Variants in MAF observed in about 807,000 individuals in gnomAD.
MAF encodes transcription factor Maf.
In MAF, 10 loss-of-function variants were observed where a neutral mutation model predicts 22.0. The ratio of observed to expected loss-of-function variants is 0.45; its 90% CI spans 0.28 to 0.77. The LOEUF (loss-of-function observed/expected upper bound fraction) is 0.77. Ranked by LOEUF, MAF falls within the 30% of genes least tolerant of loss-of-function variation. MAF has a pLI of 0.12. For synonymous variants in MAF, 337 were observed against 255.8 expected (o/e 1.32, Z -3.03); for missense variants, 544 against 548.4 (o/e 0.99, Z 0.08).
At chr16:79,452,400 G>A in the MAF span, among the ~76,000 whole-genome samples, 1 of 152,114 alleles carries the variant, frequency 6.6e-6, no homozygotes, top group Non-Finnish European at 1.5e-5. Context: ...TCTATCTTAT[G>A]ATGAAAAAAC....
At chr16:79,401,377 A>G in the MAF span, among the ~76,000 whole-genome samples, 5 of 152,280 alleles carry the variant, frequency 3.3e-5, no homozygotes, top group South Asian at 8.3e-4. Context: ...ACGGTCATCC[A>G]CTGCCAACTC....
the MAF span, among the ~76,000 whole-genome samples, chr16:79,289,935 C>T: frequency 6.7e-6 from 1 of 148,236 alleles, no homozygotes; most frequent in African/African-American, 2.5e-5. Context: ...CAGCTCACTG[C>T]AACCTCCACC....
At chr16:79,570,394 C>T in the MAF span, among the ~76,000 whole-genome samples, 1 of 152,110 alleles carries the variant, frequency 6.6e-6, no homozygotes, top group Non-Finnish European at 1.5e-5. Flanking sequence ...ATGTTCCCTC[C>T]TATCCTATTC....
the MAF span, among the ~76,000 whole-genome samples, chr16:79,437,974 G>C: frequency 6.6e-6 from 1 of 152,222 alleles, no homozygotes; most frequent in South Asian, 2.1e-4. Context: ...GTGGAGACAG[G>C]AGTCGGCCCC....
the MAF span, among the ~76,000 whole-genome samples, chr16:79,402,581 C>A: frequency 6.6e-6 from 1 of 152,154 alleles, no homozygotes; most frequent in Non-Finnish European, 1.5e-5. Context: ...GCAGGGCTGG[C>A]GTGCAGGCTG....
At chr16:79,549,702 G>C in the MAF span, among the ~76,000 whole-genome samples, 233 of 152,088 alleles carry the variant, frequency 1.5e-3, no homozygotes, top group Non-Finnish European at 3.1e-3. Flanking sequence ...GGGTCATCTT[G>C]CAGCATCTAA....
At chr16:79,356,098 C>T in the MAF span, among the ~76,000 whole-genome samples, 462 of 152,108 alleles carry the variant, frequency 3.0e-3, 1 homozygote, top group Non-Finnish European at 5.0e-3. Flanking sequence ...CACACCCACA[C>T]GTGCATTCAA....
chr16:79,479,512 T>A, the MAF span, among the ~76,000 whole-genome samples: 4 of 152,198 alleles, frequency 2.6e-5, no homozygotes, highest in Admixed American at 6.5e-5. Context: ...GGCGGGGCCA[T>A]CACTGCAAGC....
At chr16:79,238,874 T>A in the MAF span, among the ~76,000 whole-genome samples, 2 of 151,968 alleles carry the variant, frequency 1.3e-5, no homozygotes, top group South Asian at 4.1e-4. Flanking sequence ...TTCCTGAACT[T>A]GACCCCAGCA....
chr16:79,504,471 A>G, the MAF span, among the ~76,000 whole-genome samples: 119 of 152,364 alleles, frequency 7.8e-4, no homozygotes, highest in Admixed American at 5.0e-3. Context: ...GACAAAAACA[A>G]GTATCTTATT....
chr16:79,376,706 T>C, the MAF span, among the ~76,000 whole-genome samples: 1 of 152,108 alleles, frequency 6.6e-6, no homozygotes, highest in Non-Finnish European at 1.5e-5. Flanking sequence ...GGCCCTGGTG[T>C]GTGATGTTCC....
the MAF span, among the ~76,000 whole-genome samples, chr16:79,258,373 C>T: frequency 1.2e-4 from 18 of 152,224 alleles, no homozygotes; most frequent in African/African-American, 4.3e-4. Context: ...CACTCTGAAT[C>T]CAGCCCCAGA....
At chr16:79,444,430 T>C in the MAF span, among the ~76,000 whole-genome samples, 1 of 152,216 alleles carries the variant, frequency 6.6e-6, no homozygotes, top group African/African-American at 2.4e-5. Flanking sequence ...AAAGCATGGC[T>C]TTCTGCTTAT....
chr16:79,511,965 T>C, the MAF span, among the ~76,000 whole-genome samples: 4 of 152,186 alleles, frequency 2.6e-5, no homozygotes, highest in Non-Finnish European at 4.4e-5. Context: ...CTCTGTTATA[T>C]ATTCAACATC....
chr16:79,495,398 G>A, the MAF span, among the ~76,000 whole-genome samples: 1 of 152,132 alleles, frequency 6.6e-6, no homozygotes, highest in African/African-American at 2.4e-5. Context: ...AGGAGGTCAA[G>A]GTTGCAGTGA....
chr16:79,357,816 T>C, the MAF span, among the ~76,000 whole-genome samples: 1 of 152,172 alleles, frequency 6.6e-6, no homozygotes, highest in Non-Finnish European at 1.5e-5. Flanking sequence ...GCCCAGTGTC[T>C]GACATCTGAG....
chr16:79,257,830 G>C, the MAF span, among the ~76,000 whole-genome samples: 2 of 152,136 alleles, frequency 1.3e-5, no homozygotes, highest in South Asian at 2.1e-4. Flanking sequence ...CTGGAGACGA[G>C]AAAGCCATAC....
the MAF span, among the ~76,000 whole-genome samples, chr16:79,433,167 C>A: frequency 6.6e-6 from 1 of 151,818 alleles, no homozygotes; most frequent in African/African-American, 2.4e-5. Context: ...CACCTTAAAT[C>A]TTTCATTGCC....
the MAF span, among the ~76,000 whole-genome samples, chr16:79,460,941 A>G: frequency 6.6e-6 from 1 of 152,012 alleles, no homozygotes; most frequent in African/African-American, 2.4e-5. Context: ...TTTCTTTTTC[A>G]GCTCTCCAAA....
Sources: allele counts gnomAD v4.1 joint callset (sites outside exome capture counted in the v4.1 genomes callset), GRCh38; gene constraint gnomAD v4.1.1; transcripts MANE v1.5; gene names NCBI Gene and HGNC (gene_info 2026-07-23, HGNC 2026-07-21).